PTPRT: variants seen among roughly 807,000 people sequenced by gnomAD.
The protein encoded by PTPRT is protein tyrosine phosphatase receptor type T, also known as receptor-type tyrosine-protein phosphatase T.
PTPRT carries 56 observed loss-of-function variants against 176.8 expected under a neutral mutation model. The observed-to-expected ratio is 0.32, with a 90% CI of 0.26 to 0.40. The LOEUF (loss-of-function observed/expected upper bound fraction) is 0.40, where lower values mean the gene tolerates loss of function less well. Ranked by LOEUF, PTPRT falls within the 10% of genes least tolerant of loss-of-function variation. The pLI, the probability that PTPRT is intolerant of heterozygous loss-of-function variation, is 1.00. For synonymous variants in PTPRT, 783 were observed against 739.0 expected, an observed-to-expected ratio of 1.06 and a Z score of -0.96; for missense variants, 1,540 against 1,908.2, an observed-to-expected ratio of 0.81 and a Z score of 3.60.
chr20:43,009,630 T>G (rs538073219), intron 1 of PTPRT, among the ~76,000 whole-genome samples: 1 of 152,288 alleles, frequency 6.6e-6, no homozygotes, highest in Admixed American at 6.5e-5. Flanking sequence ...TGACTGCAGC[T>G]GAGGGCAGTG....
At chr20:42,110,010 G>A (rs572166075) in intron 23 of PTPRT, among the ~76,000 whole-genome samples, 9 of 151,600 alleles carry the variant, frequency 5.9e-5, no homozygotes, top group African/African-American at 1.2e-4. Context: ...CAAGAAAGCC[G>A]AGCTGCAGAG....
At chr20:42,791,827 C>A (rs2077380839) in intron 2 of PTPRT, among the ~76,000 whole-genome samples, 1 of 152,230 alleles carries the variant, frequency 6.6e-6, no homozygotes, top group Non-Finnish European at 1.5e-5. Flanking sequence ...AAGTGAGCCT[C>A]TTTTGAGTTG....
At chr20:42,528,962 G>T (rs779880931) in intron 7 of PTPRT, among the ~76,000 whole-genome samples, 1 of 152,098 alleles carries the variant, frequency 6.6e-6, no homozygotes, top group Non-Finnish European at 1.5e-5. Flanking sequence ...CATACAACTC[G>T]CTCTCTATGA....
At chr20:42,974,135 C>A (rs1331987465) in intron 1 of PTPRT, among the ~76,000 whole-genome samples, 2 of 152,204 alleles carry the variant, frequency 1.3e-5, no homozygotes, top group Non-Finnish European at 2.9e-5. Flanking sequence ...GATGCTACCC[C>A]AGCTGAACAG....
chr20:42,609,686 T>C (rs868354108), intron 7 of PTPRT, among the ~76,000 whole-genome samples: 2 of 152,128 alleles, frequency 1.3e-5, no homozygotes, highest in Non-Finnish European at 2.9e-5. Flanking sequence ...GCCTTCCAGC[T>C]TCTCTTCCTC....
intron 9 of PTPRT, among the ~76,000 whole-genome samples, chr20:42,410,252 G>A (rs910170139): frequency 9.9e-5 from 15 of 151,868 alleles, no homozygotes; most frequent in African/African-American, 3.6e-4. Flanking sequence ...AAAGGAGTAG[G>A]TTTAAAAGAC....
chr20:42,746,614 A>G (rs2076694338), intron 6 of PTPRT, among the ~76,000 whole-genome samples: 2 of 137,604 alleles, frequency 1.5e-5, no homozygotes, highest in South Asian at 4.3e-4. Context: ...GTTCTTGACA[A>G]TAGCAGTCAT....
At position 43,162,923 on chromosome 20, in the gene PTPRT, T is replaced by C. The variant is rs1418697830; in HGVS notation, c.88+26723A>G. Reference sequence around the variant, plus strand: ...TCTTACACCTACCATCTCCGTATGGTGATAGCCAACATGCCCATCTGTCTC... The same window carrying C: ...TCTTACACCTACCATCTCCGTATGGCGATAGCCAACATGCCCATCTGTCTC... On this transcript the variant is annotated intron_variant, in intron 1 of 30. Coordinates refer to ENST00000373187, the MANE Select transcript of PTPRT (RefSeq NM_007050.6). Among the ~76,000 whole-genome samples the C allele has an allele frequency of 7.2e-5, 11 of 152,332 alleles. No individual in the cohort carries two copies. The East Asian group carries it at 1.9e-3, about 27-fold the overall frequency.
At chr20:43,005,961 G>A (rs1435092831) in intron 1 of PTPRT, among the ~76,000 whole-genome samples, 1 of 152,074 alleles carries the variant, frequency 6.6e-6, no homozygotes, top group Non-Finnish European at 1.5e-5. Flanking sequence ...TATATAGGAT[G>A]GAATAGTCAA....
At chr20:43,174,031 T>C (rs954381755) in intron 1 of PTPRT, among the ~76,000 whole-genome samples, 2 of 152,226 alleles carry the variant, frequency 1.3e-5, no homozygotes, top group African/African-American at 4.8e-5. Context: ...TTATGAGAAT[T>C]AAATGCAGTC....
chr20:42,351,821 C>T (rs1440477158), intron 10 of PTPRT, among the ~76,000 whole-genome samples: 2 of 152,222 alleles, frequency 1.3e-5, no homozygotes, highest in Non-Finnish European at 2.9e-5. Context: ...ACATTATCTA[C>T]ACACACGTGT....
chr20:42,930,360 T>C (rs1979757591), intron 1 of PTPRT, among the ~76,000 whole-genome samples: 1 of 152,216 alleles, frequency 6.6e-6, no homozygotes, highest in African/African-American at 2.4e-5. Flanking sequence ...CTCCATATCA[T>C]TCATTCAACA....
intron 12 of PTPRT, among the ~76,000 whole-genome samples, chr20:42,315,293 T>C (rs1014471528): frequency 6.6e-6 from 1 of 150,642 alleles, no homozygotes; most frequent in South Asian, 2.1e-4. Flanking sequence ...TATTAATCAC[T>C]AATCAACTAA....
intron 12 of PTPRT, among the ~76,000 whole-genome samples, chr20:42,284,888 A>G (rs1398317493): frequency 2.0e-5 from 3 of 151,944 alleles, no homozygotes; most frequent in Admixed American, 6.6e-5. Context: ...CATTCATATA[A>G]AATCTTCACA....
intron 7 of PTPRT, among the ~76,000 whole-genome samples, chr20:42,676,362 A>T (rs1409830953): frequency 6.6e-6 from 1 of 152,106 alleles, no homozygotes; most frequent in African/African-American, 2.4e-5. Context: ...ATGTCAAGTC[A>T]TGGCAGAGCT....
Position 42,352,127 on chromosome 20 carries a change from G to A in PTPRT, c.1719C>T (p.Gly573=), listed in dbSNP as rs779145883. Residue 573 remains glycine, a synonymous_variant, in exon 10 of 31, where the codon GGC becomes GGT. Transcript: ENST00000373187. The part of the protein sequence containing the change: ...SFTIKASTAK[G]FGPPVTTRIA... Reference sequence around the variant, plus strand: ...TCCGAGTGGTGACAGGGGGCCCAAAGCCCTTTGCTGTGCTGGCCTTGATGG... The same window carrying A: ...TCCGAGTGGTGACAGGGGGCCCAAAACCCTTTGCTGTGCTGGCCTTGATGG... 1 of 1,614,148 alleles carries A rather than the reference G, an allele frequency of 6.2e-7. No individual in the cohort carries two copies. The highest frequency in any genetic ancestry group is 1.6e-4 in the Middle Eastern group (1 of 6,062).
chr20:43,032,857 C>T (rs1986203453), intron 1 of PTPRT, among the ~76,000 whole-genome samples: 1 of 152,304 alleles, frequency 6.6e-6, no homozygotes, highest in South Asian at 2.1e-4. Flanking sequence ...AGCTAGATGT[C>T]CAGCTCCCTT....
chr20:43,148,321 A>G (rs1364677274), intron 1 of PTPRT, among the ~76,000 whole-genome samples: 1 of 152,182 alleles, frequency 6.6e-6, no homozygotes, highest in Non-Finnish European at 1.5e-5. Context: ...GGCAAGAAGT[A>G]TCCATCTCAA....
chr20:42,129,507 C>T (rs1377849213), intron 18 of PTPRT, among the ~76,000 whole-genome samples: 1 of 152,210 alleles, frequency 6.6e-6, no homozygotes, highest in Non-Finnish European at 1.5e-5. Context: ...AAAACCAGTA[C>T]AGCAGAAGAA....
Sources: gnomAD v4.1 joint callset for allele counts (sites outside exome capture counted in the v4.1 genomes callset) on GRCh38, gnomAD v4.1.1 for gene constraint, MANE v1.5 for transcripts, NCBI Gene and HGNC (gene_info 2026-07-23, HGNC 2026-07-21) for gene names.